The following MROH2A variants were observed in gnomAD, a reference collection of about 807,000 sequenced individuals.
MROH2A encodes the protein maestro heat-like repeat-containing protein family member 2A.
In MROH2A, 174 loss-of-function variants were observed where a neutral mutation model predicts 200.4. The observed-to-expected ratio is 0.87, with a 90% CI of 0.77 to 0.98. The LOEUF is 0.98. MROH2A is among the 50% of genes least tolerant of loss of function. MROH2A has a pLI of 0.00. For synonymous variants in MROH2A, 829 were observed against 840.4 expected, an observed-to-expected ratio of 0.99 and a Z score of 0.23; for missense variants, 2,045 against 2,139.6, an observed-to-expected ratio of 0.96 and a Z score of 0.87.
At position 233,793,694 on chromosome 2, in the gene MROH2A, C is replaced by A. The variant is rs1476606287; in HGVS notation, c.692C>A (p.Thr231Lys). Residue 231 changes from threonine to lysine, a missense_variant, in exon 7 of 42, where the codon ACG (threonine) becomes AAG (lysine). Around this residue, in one of 3 missense-constraint regions of MROH2A, gnomAD observed 831 missense variants for 800.0 expected, o/e 1.04. Transcript: ENST00000389758. ...ICSAMETFCE[T>K]VQFYLKHLEE... ...GTAGCCATGGAGACCTTCTGTGAGA[C>A]GGTGCAGTTTTATCTGAAGCACCTG... 1.4e-6 allele frequency: 2 copies of A among 1,433,204 alleles called. No individual in the cohort carries two copies. Among genetic ancestry groups the A allele is most frequent in the Admixed American group, 2.8e-5 (1 of 36,116 alleles). 88.8% of individuals were successfully genotyped at this position (1,433,204 alleles called of 1,614,324 possible).
chr2:233,820,783 A>G lies in MROH2A; in HGVS notation c.3512+727A>G, dbSNP rs1366279393. ...TAAGTAAGAGGCTTGGAACAGAGAAAAGAGTTTTAAAAATAGGCCCCGGCT... is the reference window on the plus strand; with the variant it reads ...TAAGTAAGAGGCTTGGAACAGAGAAGAGAGTTTTAAAAATAGGCCCCGGCT... On this transcript the variant is annotated intron_variant, in intron 31 of 41. Transcript: ENST00000389758. This position sits in a 1 kb window ranked among gnomAD's most constrained non-coding sequence, Gnocchi z 4.1. Among the ~76,000 whole-genome samples, 1 of 152,168 alleles carries G rather than the reference A, an allele frequency of 6.6e-6. No homozygotes were observed. The highest frequency in any genetic ancestry group is 1.5e-5 in the Non-Finnish European group (1 of 68,034).
At chr2:233,789,452 G>A (rs1352954452) in intron 3 of MROH2A, 45 bp from the exon 4 acceptor site, 2 of 1,343,532 alleles carry the variant, frequency 1.5e-6, no homozygotes, top group Non-Finnish European at 1.9e-6. Context: ...GACTTGTGCT[G>A]GGGGCAGGGT....
chr2:233,822,641 G>C, intron 33 of MROH2A, 85 bp downstream of exon 33: 6 of 1,384,336 alleles, frequency 4.3e-6, no homozygotes, highest in Non-Finnish European at 5.9e-6. Flanking sequence ...GTGGACTCCA[G>C]TGAGGGGCCC....
At chr2:233,824,222 G>A (rs569655110) in intron 35 of MROH2A, among the ~76,000 whole-genome samples, 9 of 152,322 alleles carry the variant, frequency 5.9e-5, no homozygotes, top group African/African-American at 1.9e-4. Context: ...TGGGCATGAC[G>A]GTGTCAACAA....
intron 40 of MROH2A, 29 bp downstream of exon 40, chr2:233,832,308 G>T: frequency 6.5e-7 from 1 of 1,542,298 alleles, no homozygotes. Flanking sequence ...CCTGACTCAA[G>T]ATAGACTTTG....
rs1703829848 is a variant in MROH2A, at chr2:233,820,018, C to T, written c.3474C>T (p.Ile1158=). 1 of 1,544,226 alleles carries T rather than the reference C, an allele frequency of 6.5e-7. No homozygotes were observed. The highest frequency in any genetic ancestry group is 1.2e-5 in the South Asian group (1 of 83,578). ...LLLAHHHQET[I]LTSLLRQPLP... is the part of the protein sequence containing the mutation. Reference sequence around the variant, plus strand: ...TGGCGCACCACCACCAGGAGACCATCCTCACATCGCTCCTGAGGCAGCCAC... The same window carrying T: ...TGGCGCACCACCACCAGGAGACCATTCTCACATCGCTCCTGAGGCAGCCAC... Residue 1158 remains isoleucine, a synonymous_variant, in exon 31 of 42, where the codon ATC becomes ATT. Transcript: ENST00000389758. The surrounding 1 kb of genome is among the most constrained non-coding windows in gnomAD (Gnocchi z 4.1).
intron 41 of MROH2A, 89 bp downstream of exon 41, chr2:233,832,733 A>C: frequency 1.8e-6 from 1 of 559,058 alleles, no homozygotes; most frequent in Non-Finnish European, 3.2e-6. Flanking sequence ...GAAGAGCCAG[A>C]GGACCCTTTG....
chr2:233,789,918 A>G lies in MROH2A; in HGVS notation c.475A>G (p.Ser159Gly). ...TLVALSRNHF[S>G]LVMYELQHHL... ...GGTGGCTCTGTCCCGAAACCACTTC[A>G]GCTTGGTCATGTACGAGCTGCAGCA... Residue 159 changes from serine to glycine, a missense_variant, in exon 5 of 42, where the codon AGC becomes GGC. Physicochemically the swap from Ser to Gly is moderately conservative, Grantham distance 56 (BLOSUM62 0). Around this residue, in one of 3 missense-constraint regions of MROH2A, gnomAD observed 831 missense variants for 800.0 expected, o/e 1.04. Transcript: ENST00000389758. 1 of 1,550,502 alleles carries G rather than the reference A, an allele frequency of 6.4e-7. No individual in the cohort carries two copies. The highest frequency in any genetic ancestry group is 1.4e-5 in the African/African-American group (1 of 73,158).
At chr2:233,805,154 C>A in intron 19 of MROH2A, 43 bp downstream of exon 19, 1 of 1,366,736 alleles carries the variant, frequency 7.3e-7, no homozygotes, top group Non-Finnish European at 1.0e-6. Flanking sequence ...AAGGAGTAGA[C>A]TCCAGGGGTG....
chr2:233,796,015 A>C lies in MROH2A; in HGVS notation c.1108A>C (p.Met370Leu). ...AQHQYSSQNL[M>L]EMVHCFVALA... ...GCATCAGTACAGCAGCCAGAATCTG[A>C]TGGAGATGGTGCACTGCTTCGTAGC... The change falls in exon 10 of 42, where the codon ATG becomes CTG. Residue 370 changes from methionine (M) to leucine (L), a missense_variant. By Grantham distance (15) the Met-to-Leu change is conservative. This residue lies in a region of MROH2A where 831 missense variants were observed against 800.0 expected (regional missense o/e 1.04). Coordinates refer to ENST00000389758, the MANE Select transcript of MROH2A (RefSeq NM_001394639.1). 6.4e-7 allele frequency: 1 copy of C among 1,550,560 alleles called. No homozygotes were observed. The highest frequency in any genetic ancestry group is 1.2e-5 in the South Asian group (1 of 84,058).
At chr2:233,827,518 A>G (rs978060768) in intron 35 of MROH2A, among the ~76,000 whole-genome samples, 1 of 152,210 alleles carries the variant, frequency 6.6e-6, no homozygotes, top group Non-Finnish European at 1.5e-5. Context: ...GGAGCTGAAC[A>G]ATGAGATCAC....
rs1703997406 is a variant in MROH2A, at chr2:233,822,294, G to A, written c.3672+11G>A. The A allele has an allele frequency of 2.6e-6, 4 of 1,547,912 alleles. No individual in the cohort carries two copies. The East Asian group carries it at 9.8e-5, about 38-fold the overall frequency. On this transcript the variant is annotated intron_variant, in intron 32 of 41. Transcript: ENST00000389758. ...GTGGACCCCCTGATGGTGAGTTGCA[G>A]GCGCAGGCCCCAAGGCTCCTCAGGG... is the stretch of plus-strand genomic sequence containing the variant.
intron 3 of MROH2A, 138 bp downstream of exon 3, chr2:233,779,990 T>A (rs1367634977): frequency 1.5e-5 from 11 of 744,850 alleles, no homozygotes; most frequent in Non-Finnish European, 2.3e-5. Flanking sequence ...TGTGAGGTGC[T>A]TACTCCCTGA....
chr2:233,818,027 GCA>G lies in MROH2A; in HGVS notation c.2990_2991del (p.Thr997AsnfsTer11). The G allele has an allele frequency of 6.4e-7, 1 of 1,550,992 alleles. No homozygotes were observed. Among genetic ancestry groups the G allele is most frequent in the Admixed American group, 2.0e-5 (1 of 51,020 alleles). On this transcript the variant is annotated frameshift_variant, in exon 28 of 42. Transcript: ENST00000389758. LOFTEE classifies it high-confidence loss of function. ...ATCCACCTAAAGCTGGGGCAGTTTG[GCA>G]CAATGGTCGGACTCATTGCCCCGTG... is the stretch of plus-strand genomic sequence containing the variant.
At chr2:233,791,638 C>T (rs1236199807) in intron 5 of MROH2A, among the ~76,000 whole-genome samples, 5 of 152,050 alleles carry the variant, frequency 3.3e-5, no homozygotes, top group South Asian at 4.1e-4. Context: ...AGAGAGAGGA[C>T]CCAGCCCGGA....
At chr2:233,818,510 G>T in intron 28 of MROH2A, 142 bp from the exon 29 acceptor site, 1 of 699,750 alleles carries the variant, frequency 1.4e-6, no homozygotes, top group Non-Finnish European at 2.6e-6. Flanking sequence ...GGACCAGTGA[G>T]AGCAAAGGTC....
chr2:233,778,084 T>G (rs1685227222), upstream of MROH2A, among the ~76,000 whole-genome samples: 1 of 152,136 alleles, frequency 6.6e-6, no homozygotes, highest in South Asian at 2.1e-4. Flanking sequence ...GGGACTTGGT[T>G]GTAAGCCATC....
chr2:233,831,384 C>T (rs1704737594), intron 38 of MROH2A, 25 bp from the exon 39 acceptor site: 1 of 1,534,424 alleles, frequency 6.5e-7, no homozygotes, highest in Non-Finnish European at 8.8e-7. Context: ...GCTGATGGCT[C>T]TGCTGCCGTC....
At chr2:233,829,146 G>A in intron 37 of MROH2A, 74 bp downstream of exon 37, 1 of 1,379,652 alleles carries the variant, frequency 7.2e-7, no homozygotes, top group Non-Finnish European at 9.7e-7. Context: ...GGAAGAGATG[G>A]GCTCTAGAGC....
Sources: gnomAD v4.1 joint callset for allele counts (sites outside exome capture counted in the v4.1 genomes callset) on GRCh38, gnomAD v4.1.1 for gene constraint, gnomAD v4.1.1 regional missense constraint, Gnocchi (gnomAD v3.1) non-coding constraint, MANE v1.5 for transcripts, NCBI Gene and HGNC (gene_info 2026-07-23, HGNC 2026-07-21) for gene names.